DHRS4L2: variants seen among roughly 807,000 people sequenced by gnomAD.
DHRS4L2 encodes the protein dehydrogenase/reductase SDR family member 4-like 2.
A neutral mutation model predicts 23.9 loss-of-function variants in DHRS4L2; 22 were observed. The observed-to-expected ratio is 0.92, with a 90% CI of 0.66 to 1.31. DHRS4L2 has a LOEUF of 1.31. Among genes scored for constraint, DHRS4L2 ranks in the 40% most tolerant of loss-of-function variants. The pLI is 0.00. For missense variants in DHRS4L2, 385 were observed against 303.3 expected, an observed-to-expected ratio of 1.27 and a Z score of -2.00; for synonymous variants, 141 against 123.7, an observed-to-expected ratio of 1.14 and a Z score of -0.93.
chr14:23,986,695 GGC>G (rs1443612097), upstream of DHRS4L2, among the ~76,000 whole-genome samples: 8 of 151,218 alleles, frequency 5.3e-5, 1 homozygote, highest in African/African-American at 1.7e-4. Flanking sequence ...CCCCTCAGTG[GGC>G]CCGTCTACCT....
chr14:23,990,410 G>C, intron 2 of DHRS4L2, 51 bp downstream of exon 2: 1 of 1,557,584 alleles, frequency 6.4e-7, no homozygotes, highest in Non-Finnish European at 8.7e-7. Context: ...AAGGAAGCCA[G>C]CCTGAGCCTC....
intron 2 of DHRS4L2, among the ~76,000 whole-genome samples, chr14:23,991,556 A>G (rs1238672390): frequency 6.6e-6 from 1 of 151,684 alleles, no homozygotes; most frequent in Non-Finnish European, 1.5e-5. Flanking sequence ...TAAGGAATGG[A>G]TGGGAATGGA....
intron 1 of DHRS4L2, among the ~76,000 whole-genome samples, chr14:23,972,303 A>C (rs2033874474): frequency 6.6e-6 from 1 of 151,980 alleles, no homozygotes. Context: ...TTCAGGAGTG[A>C]AGCTGCGGAC....
chr14:23,991,505 G>A (rs951009726), intron 2 of DHRS4L2, among the ~76,000 whole-genome samples: 2 of 151,772 alleles, frequency 1.3e-5, no homozygotes, highest in African/African-American at 2.4e-5. Context: ...ACTTAACATG[G>A]CCTACAGGCC....
At chr14:23,986,787 A>C (rs369310282), upstream of DHRS4L2, among the ~76,000 whole-genome samples, 1,102 of 151,216 alleles carry the variant, frequency 7.3e-3, 25 homozygotes, top group Middle Eastern at 0.031. Flanking sequence ...CCCCCGCAGC[A>C]GTCCTCCTGT....
intron 1 of DHRS4L2, among the ~76,000 whole-genome samples, chr14:23,982,665 C>T (rs1217599907): frequency 6.6e-6 from 1 of 151,434 alleles, no homozygotes; most frequent in East Asian, 1.9e-4. Flanking sequence ...CTACAACCAT[C>T]AGATTTTTGA....
intron 1 of DHRS4L2, among the ~76,000 whole-genome samples, chr14:23,973,338 C>T (rs1395317087): frequency 1.3e-5 from 2 of 151,972 alleles, no homozygotes; most frequent in East Asian, 1.9e-4. Flanking sequence ...AAGTGCTGCG[C>T]ACAGCCCCAG....
rs2034487059 is a variant in DHRS4L2, at chr14:24,001,424, G to A, written c.572G>A (p.Gly191Asp). 6.2e-7 allele frequency: 1 copy of A among 1,607,956 alleles called. No homozygotes were observed. Among genetic ancestry groups the A allele is most frequent in the Non-Finnish European group, 8.5e-7 (1 of 1,179,400 alleles). Residue 191 changes from glycine to aspartate, a missense_variant, in exon 6 of 8, where the codon GGC (glycine) becomes GAC (aspartate). Transcript: ENST00000335125. ...AATGTCAGTAAAACAGCCTTGCTGG[G>A]CCTCAACAATACCCTGGCCATAGAG... ...PYNVSKTALL[G>D]LNNTLAIELA...
Position 23,995,151 on chromosome 14 carries a change from A to C in DHRS4L2, c.408+18A>C, listed in dbSNP as rs72692119. 50,536 of 1,583,694 alleles carry C rather than the reference A, an allele frequency of 0.032. 1,673 individuals carry two copies. The highest frequency in any genetic ancestry group is 0.037 in the Non-Finnish European group (43,365 of 1,156,888). On this transcript the variant is annotated intron_variant, in intron 3 of 7. Coordinates refer to ENST00000335125, the MANE Select transcript of DHRS4L2 (RefSeq NM_198083.4). ...GGGACAAGGTGAGAGGGGATTAAAG[A>C]AGCGCGGAAGGGGGCCTCGGGACAC...
chr14:23,977,134 A>G (rs2033982641), intron 1 of DHRS4L2, among the ~76,000 whole-genome samples: 1 of 151,944 alleles, frequency 6.6e-6, no homozygotes, highest in South Asian at 2.1e-4. Flanking sequence ...ATAGAGCAAT[A>G]TCTCACAAAA....
At chr14:23,971,731 C>G (rs1399851432) in intron 1 of DHRS4L2, among the ~76,000 whole-genome samples, 3 of 152,016 alleles carry the variant, frequency 2.0e-5, no homozygotes, top group Non-Finnish European at 2.9e-5. Flanking sequence ...CCAAACTAAG[C>G]TTCGTATGTG....
intron 2 of DHRS4L2, among the ~76,000 whole-genome samples, 196 bp downstream of exon 2, chr14:23,990,555 C>T (rs549660919): frequency 2.0e-5 from 3 of 151,286 alleles, no homozygotes; most frequent in Admixed American, 2.0e-4. Context: ...CTGCATCATC[C>T]CTTGAGTACC....
chr14:23,989,137 G>A lies in DHRS4L2; in HGVS notation c.128+62G>A, dbSNP rs1035719232. On this transcript the variant is annotated intron_variant, in intron 1 of 7. Transcript: ENST00000335125. ...GCCTGGAAACATGCACTGGTGTCTC[G>A]TCCTTTGCCTCCAGTGCCCCTGTCC... 125 of 1,539,778 alleles carry A rather than the reference G, an allele frequency of 8.1e-5. 2 individuals carry two copies. In the African/African-American group the frequency reaches 1.4e-3, roughly 17 times the overall value.
upstream of DHRS4L2, among the ~76,000 whole-genome samples, chr14:23,986,996 T>A (rs1052001244): frequency 4.6e-5 from 7 of 151,852 alleles, no homozygotes; most frequent in Non-Finnish European, 7.4e-5. Context: ...CTCTCCTGTC[T>A]CATCGGGATG....
chr14:23,986,756 C>G (rs543134300), upstream of DHRS4L2, among the ~76,000 whole-genome samples: 20 of 150,556 alleles, frequency 1.3e-4, no homozygotes, highest in Non-Finnish European at 2.5e-4. Context: ...AGGCTTGTCC[C>G]TTTGAACCAA....
intron 1 of DHRS4L2, among the ~76,000 whole-genome samples, chr14:23,983,654 G>A (rs1053678046): frequency 6.6e-6 from 1 of 151,686 alleles, no homozygotes; most frequent in Non-Finnish European, 1.5e-5. Context: ...ATGATAGACT[G>A]CATAAAGAAA....
chr14:23,975,386 C>T (rs182836210), intron 1 of DHRS4L2, among the ~76,000 whole-genome samples: 1,595 of 151,666 alleles, frequency 0.011, 26 homozygotes, highest in Middle Eastern at 0.017. Flanking sequence ...ATGTGAAGGA[C>T]CTCTTCAAGG....
chr14:23,990,190 T>G lies in DHRS4L2; in HGVS notation c.137T>G (p.Phe46Cys). Residue 46 changes from phenylalanine (F) to cysteine (C), a missense_variant, in exon 2 of 8, where the codon TTC becomes TGC. Physicochemically the swap from Phe to Cys is radical, Grantham distance 205 (BLOSUM62 -2). Transcript: ENST00000335125. ...LVTASTDGIG[F>C]AIARRLAQDR... ...TCTCTTTCTGCTCACAGGATCGGCT[T>G]CGCCATCGCCCGGCGTTTGGCCCAG... is the stretch of plus-strand genomic sequence containing the variant. 6.2e-7 allele frequency: 1 copy of G among 1,612,798 alleles called. No individual in the cohort carries two copies.
At chr14:23,972,643 A>C (rs2033884504) in intron 1 of DHRS4L2, among the ~76,000 whole-genome samples, 1 of 152,000 alleles carries the variant, frequency 6.6e-6, no homozygotes, top group African/African-American at 2.4e-5. Flanking sequence ...AGAAAGAGAA[A>C]TAAGACACAG....
Sources: gnomAD v4.1 joint callset for allele counts (sites outside exome capture counted in the v4.1 genomes callset) on GRCh38, gnomAD v4.1.1 for gene constraint, MANE v1.5 for transcripts, NCBI Gene and HGNC (gene_info 2026-07-23, HGNC 2026-07-21) for gene names.